Variants in ALAS1 observed in about 807,000 individuals in gnomAD.
ALAS1 encodes 5-aminolevulinate synthase, non-specific, mitochondrial.
Under a neutral mutation model 59.6 loss-of-function variants are expected in ALAS1, and 29 were observed. The observed-to-expected ratio is 0.49, with a 90% CI of 0.36 to 0.66. ALAS1 has a LOEUF of 0.66. ALAS1 is among the 30% of genes least tolerant of loss of function. The pLI, the probability that ALAS1 is intolerant of heterozygous loss-of-function variation, is 0.00. For synonymous variants in ALAS1, 299 were observed against 296.6 expected (o/e 1.01, Z -0.08); for missense variants, 690 against 807.5 (o/e 0.85, Z 1.76).
chr3:52,201,638 G>T (rs1015049509), intron 3 of ALAS1, among the ~76,000 whole-genome samples: 1 of 152,128 alleles, frequency 6.6e-6, no homozygotes, highest in Non-Finnish European at 1.5e-5. Flanking sequence ...AACACCTGCA[G>T]TCCAAGCTAC....
Position 52,204,867 on chromosome 3 carries a change from A to G in ALAS1, c.752A>G (p.Asn251Ser), listed in dbSNP as rs766041642. Residue 251 changes from asparagine to serine, a missense_variant, in exon 6 of 12, where the codon AAT (asparagine) becomes AGT (serine). By Grantham distance (46) the Asn-to-Ser change is conservative. Coordinates refer to ENST00000484952, the MANE Select transcript of ALAS1 (RefSeq NM_000688.6). ...AAGCAAGTGTCAGTCTGGTGCAGTA[A>G]TGACTACCTAGGAATGAGTCGCCAC... ...TKKQVSVWCS[N>S]DYLGMSRHPR... 6.2e-7 allele frequency: 1 copy of G among 1,614,194 alleles called. No individual in the cohort carries two copies. The highest frequency in any genetic ancestry group is 8.5e-7 in the Non-Finnish European group (1 of 1,180,036).
chr3:52,211,263 A>G lies in ALAS1; in HGVS notation c.1331-20A>G. The G allele has an allele frequency of 1.2e-6, 2 of 1,607,976 alleles. No individual in the cohort carries two copies. The highest frequency in any genetic ancestry group is 1.3e-5 in the African/African-American group (1 of 74,930). On this transcript the variant is annotated intron_variant, in intron 9 of 11. Transcript: ENST00000484952. ...CAATTTACAGCTGTTGCTGTAATTA[A>G]TGAAGCTATCTCCTCCCAGGCAAAG... is the stretch of plus-strand genomic sequence containing the variant.
intron 8 of ALAS1, 26 bp from the exon 9 acceptor site, chr3:52,208,057 C>T (rs1355161308): frequency 8.0e-6 from 12 of 1,507,658 alleles, no homozygotes; most frequent in African/African-American, 2.8e-5. Flanking sequence ...AAAAGCTCTT[C>T]AGAGCAGTCT....
At chr3:52,207,060 G>C (rs1178635200) in intron 8 of ALAS1, among the ~76,000 whole-genome samples, 1 of 144,156 alleles carries the variant, frequency 6.9e-6, no homozygotes, top group Non-Finnish European at 1.5e-5. Context: ...CTGGAGTGCA[G>C]TGGCGTGATC....
chr3:52,202,033 G>T (rs1300312472), intron 3 of ALAS1, among the ~76,000 whole-genome samples: 3 of 152,174 alleles, frequency 2.0e-5, no homozygotes, highest in Non-Finnish European at 4.4e-5. Context: ...TGAAAAACTA[G>T]AGAGATTAGC....
In ALAS1 at chr3:52,199,247, G is replaced by A. The variant is rs1699134712; in HGVS notation, c.6G>A (p.Glu2=). The change falls in exon 3 of 12, where the codon GAG becomes GAA. Residue 2 remains glutamate, a synonymous_variant. Transcript: ENST00000484952. The part of the protein sequence containing the change: M[E]SVVRRCPFLS... ...AGCCAGCATACTTCCTGAACATGGA[G>A]AGTGTTGTTCGCCGCTGCCCATTCT... The A allele has an allele frequency of 1.2e-6, 2 of 1,614,220 alleles. No individual in the cohort carries two copies. The highest frequency in any genetic ancestry group is 8.5e-7 in the Non-Finnish European group (1 of 1,180,038).
intron 11 of ALAS1, among the ~76,000 whole-genome samples, chr3:52,213,473 T>G (rs565554364): frequency 3.7e-4 from 56 of 152,358 alleles, no homozygotes; most frequent in African/African-American, 1.3e-3. Context: ...TATAAAAGCC[T>G]TATCTCAGTA....
rs1699332104 is a variant in ALAS1 at position 52,208,141 on chromosome 3, C to T, written c.1224C>T (p.Thr408=). The change falls in exon 9 of 12, where the codon ACC becomes ACT. Residue 408 remains threonine, a synonymous_variant. Transcript: ENST00000484952. Reference sequence around the variant, plus strand: ...TGGCCCATGAGTTTGGAGCAATCACCTTCGTGGATGAGGTCCACGCAGTGG... The same window carrying T: ...TGGCCCATGAGTTTGGAGCAATCACTTTCGTGGATGAGGTCCACGCAGTGG... ...CDVAHEFGAI[T]FVDEVHAVGL... The T allele has an allele frequency of 1.2e-6, 2 of 1,611,126 alleles. No individual in the cohort carries two copies. Among genetic ancestry groups the T allele is most frequent in the African/African-American group, 2.7e-5 (2 of 74,888 alleles).
intron 3 of ALAS1, 40 bp from the exon 4 acceptor site, chr3:52,202,467 A>C: frequency 6.6e-7 from 1 of 1,513,192 alleles, no homozygotes; most frequent in Non-Finnish European, 9.2e-7. Flanking sequence ...ATACTGTGCA[A>C]CCAGATCTGA....
chr3:52,212,575 A>G (rs1699434664), intron 11 of ALAS1, 155 bp downstream of exon 11: 1 of 946,142 alleles, frequency 1.1e-6, no homozygotes. Flanking sequence ...CTTGTTGCCC[A>G]GGCTGGAGTA....
intron 3 of ALAS1, among the ~76,000 whole-genome samples, chr3:52,200,129 A>C (rs950432919): frequency 6.6e-6 from 1 of 152,088 alleles, no homozygotes; most frequent in Non-Finnish European, 1.5e-5. Context: ...TTGGCTTTTT[A>C]AAGTAGTGAT....
At position 52,202,737 on chromosome 3, in the gene ALAS1, A is replaced by G; in HGVS notation, c.427+3A>G. ...GGAAATGAATGCCGTGAGGAAAGGT[A>G]AGAGATGAGTTGTGAACCATTAGTG... On this transcript the variant is annotated splice_donor_region_variant and intron_variant, in intron 4 of 11. Transcript: ENST00000484952. 1 of 1,613,462 alleles carries G rather than the reference A, an allele frequency of 6.2e-7. No homozygotes were observed.
rs199511435 is a variant in ALAS1 at position 52,214,117 on chromosome 3, G to T, written c.1860G>T (p.Val620=). 1 of 1,613,954 alleles carries T rather than the reference G, an allele frequency of 6.2e-7. No homozygotes were observed. The highest frequency in any genetic ancestry group is 1.1e-5 in the South Asian group (1 of 91,078). Residue 620 remains valine (V), a synonymous_variant, in exon 12 of 12, where the codon GTG becomes GTT. Coordinates refer to ENST00000484952, the MANE Select transcript of ALAS1 (RefSeq NM_000688.6). ...GCAGGAGGCCACTGCATTTTGAAGT[G>T]ATGAGTGAAAGAGAGAAGTCCTATT... ...NFCRRPLHFE[V]MSEREKSYFS...
chr3:52,205,814 TG>T, intron 6 of ALAS1, 24 bp from the exon 7 acceptor site: 1 of 1,588,282 alleles, frequency 6.3e-7, no homozygotes, highest in Non-Finnish European at 8.6e-7. Flanking sequence ...CTTTATTTTC[TG>T]GTTTTGTTTG....
chr3:52,200,902 A>G (rs1021299703), intron 3 of ALAS1, among the ~76,000 whole-genome samples: 2 of 152,162 alleles, frequency 1.3e-5, no homozygotes, highest in South Asian at 4.1e-4. Context: ...TTAAGCAGAA[A>G]GGATTTAATC....
rs1339399260 is a variant in ALAS1 at position 52,202,617 on chromosome 3, A to G, written c.310A>G (p.Thr104Ala). 1 of 1,614,186 alleles carries G rather than the reference A, an allele frequency of 6.2e-7. No homozygotes were observed. Among genetic ancestry groups the G allele is most frequent in the Non-Finnish European group, 8.5e-7 (1 of 1,180,038 alleles). ...GHPLPATSQG[T>A]ASKCPFLAAQ... is the part of the protein sequence containing the mutation. ...CCCCTTGCCTGCCACAAGCCAGGGC[A>G]CTGCAAGCAAATGCCCTTTCCTGGC... Residue 104 changes from threonine (T) to alanine (A), a missense_variant, in exon 4 of 12, where the codon ACT becomes GCT. Coordinates refer to ENST00000484952, the MANE Select transcript of ALAS1 (RefSeq NM_000688.6).
chr3:52,205,789 G>A (rs1162635653), intron 6 of ALAS1, 50 bp from the exon 7 acceptor site: 2 of 1,546,154 alleles, frequency 1.3e-6, no homozygotes, highest in African/African-American at 1.4e-5. Flanking sequence ...TTCACATGGT[G>A]TTGAGAACCA....
Position 52,204,898 on chromosome 3 carries a change from G to A in ALAS1, c.783G>A (p.Arg261=), listed in dbSNP as rs751676183. 5 of 1,613,910 alleles carry A rather than the reference G, an allele frequency of 3.1e-6. No homozygotes were observed. The highest frequency in any genetic ancestry group is 3.4e-6 in the Non-Finnish European group (4 of 1,179,888). Residue 261 remains arginine (R), a synonymous_variant, in exon 6 of 12, where the codon CGG becomes CGA. Transcript: ENST00000484952. ...NDYLGMSRHP[R]VCGAVMDTLK... is the part of the protein sequence containing the mutation. ...ACCTAGGAATGAGTCGCCACCCACG[G>A]GTGTGTGGGGCAGTTATGTAAGTAG...
chr3:52,205,342 A>ACCAT (rs1045396943), intron 6 of ALAS1, among the ~76,000 whole-genome samples: 4 of 152,202 alleles, frequency 2.6e-5, no homozygotes, highest in African/African-American at 9.6e-5. Flanking sequence ...CAGGAGGCTC[A>ACCAT]CCATCCTAGG....
Sources: allele counts gnomAD v4.1 joint callset (sites outside exome capture counted in the v4.1 genomes callset), GRCh38; gene constraint gnomAD v4.1.1; transcripts MANE v1.5; gene names NCBI Gene and HGNC (gene_info 2026-07-23, HGNC 2026-07-21).